Variants in SCAPER observed in about 807,000 individuals in gnomAD.
The protein encoded by SCAPER is S phase cyclin A-associated protein in the endoplasmic reticulum.
A neutral mutation model predicts 182.2 loss-of-function variants in SCAPER; 98 were observed. That is an observed-to-expected ratio of 0.54 (90% confidence interval 0.46 to 0.64). The LOEUF is 0.64. Ranked by LOEUF, SCAPER falls within the 30% of genes least tolerant of loss-of-function variation. The pLI is 0.00. For missense variants in SCAPER, 1,432 were observed against 1,690.0 expected (o/e 0.85, Z 2.68); for synonymous variants, 605 against 564.6 (o/e 1.07, Z -1.01).
intron 20 of SCAPER, among the ~76,000 whole-genome samples, chr15:76,681,497 C>A (rs963869412): frequency 6.6e-6 from 1 of 152,108 alleles, no homozygotes; most frequent in East Asian, 1.9e-4. Context: ...CATCTATCAC[C>A]CAGTGATTGG....
Position 76,701,703 on chromosome 15 carries a change from C to T in SCAPER, c.2508+55G>A, listed in dbSNP as rs117943757. 9.4e-3 allele frequency: 12,430 copies of T among 1,317,830 alleles called. 90 individuals are homozygous for T. Among genetic ancestry groups the T allele is most frequent in the South Asian group, 0.017 (1,366 of 81,694 alleles). The allele number at this position is 1,317,830 out of a possible 1,614,324, so 81.6% of individuals were successfully genotyped here. On this transcript the variant is annotated intron_variant, in intron 20 of 31. Transcript: ENST00000563290. Reference sequence around the variant, plus strand: ...AAACACGGAATTCTTTATAATAAAACAGCACATATTGGGTACTCAATAAAC... The same window carrying T: ...AAACACGGAATTCTTTATAATAAAATAGCACATATTGGGTACTCAATAAAC...
chr15:76,528,282 T>C (rs1471676478), intron 23 of SCAPER, among the ~76,000 whole-genome samples: 7 of 152,220 alleles, frequency 4.6e-5, no homozygotes, highest in African/African-American at 1.4e-4. Flanking sequence ...CTTCATTCTA[T>C]AGATTATCAT....
At chr15:76,824,034 G>C (rs1245260223) in intron 5 of SCAPER, among the ~76,000 whole-genome samples, 2 of 152,110 alleles carry the variant, frequency 1.3e-5, no homozygotes, top group African/African-American at 4.8e-5. Context: ...TTAACTCAAT[G>C]TTATCAAAAA....
At chr15:76,860,233 C>G (rs2071768110) in intron 3 of SCAPER, among the ~76,000 whole-genome samples, 2 of 151,950 alleles carry the variant, frequency 1.3e-5, no homozygotes, top group Non-Finnish European at 2.9e-5. Context: ...AATACAATTT[C>G]ATATAAAAAT....
At chr15:76,373,686 C>T (rs1360514092) in intron 29 of SCAPER, among the ~76,000 whole-genome samples, 1 of 152,160 alleles carries the variant, frequency 6.6e-6, no homozygotes, top group Admixed American at 6.5e-5. Flanking sequence ...GGTAAGGATC[C>T]AAACTGTCTA....
At chr15:76,657,934 A>G (rs1350603063) in intron 21 of SCAPER, among the ~76,000 whole-genome samples, 2 of 152,140 alleles carry the variant, frequency 1.3e-5, no homozygotes, top group African/African-American at 2.4e-5. Flanking sequence ...TTAGAACTGT[A>G]TATGTCAAAC....
intron 8 of SCAPER, among the ~76,000 whole-genome samples, chr15:76,784,112 A>G (rs1273871367): frequency 6.6e-6 from 1 of 152,218 alleles, no homozygotes; most frequent in Non-Finnish European, 1.5e-5. Flanking sequence ...TTTGCAGATG[A>G]CATGATTGTA....
intron 22 of SCAPER, among the ~76,000 whole-genome samples, chr15:76,613,365 A>C (rs1204397847): frequency 6.6e-6 from 1 of 152,240 alleles, no homozygotes; most frequent in Non-Finnish European, 1.5e-5. Flanking sequence ...GGCATGGGCA[A>C]AGATTTCATG....
At chr15:76,672,444 A>G (rs775873037) in intron 20 of SCAPER, among the ~76,000 whole-genome samples, 2 of 152,210 alleles carry the variant, frequency 1.3e-5, no homozygotes, top group Non-Finnish European at 2.9e-5. Context: ...TTCTATTTCA[A>G]AATAAGCTGA....
chr15:76,876,080 C>T (rs868759317), intron 2 of SCAPER, among the ~76,000 whole-genome samples: 37 of 152,308 alleles, frequency 2.4e-4, no homozygotes, highest in Admixed American at 9.1e-4. Context: ...AGGTGCTAAG[C>T]CCCTCACTGC....
At position 76,862,543 on chromosome 15, in the gene SCAPER, G is replaced by A. The variant is rs1465997294; in HGVS notation, c.7-10C>T. On this transcript the variant is annotated splice_polypyrimidine_tract_variant and intron_variant, in intron 2 of 31. Transcript: ENST00000563290. ...AGCGCTGGAATGAAGCCTATGTATG[G>A]AAAAGATGGTACTTATTAGATTATT... The A allele has an allele frequency of 6.6e-7, 1 of 1,513,064 alleles. No individual in the cohort carries two copies. Among genetic ancestry groups the A allele is most frequent in the South Asian group, 1.1e-5 (1 of 87,698 alleles). The allele number at this position is 1,513,064 out of a possible 1,614,324, so 93.7% of individuals were successfully genotyped here.
chr15:76,711,820 G>A (rs922320843), intron 17 of SCAPER, among the ~76,000 whole-genome samples: 1 of 152,070 alleles, frequency 6.6e-6, no homozygotes, highest in Admixed American at 6.6e-5. Context: ...TGAGTTCATT[G>A]TAGATTCTGG....
At chr15:76,373,300 G>A (rs1409328610) in intron 29 of SCAPER, among the ~76,000 whole-genome samples, 2 of 151,992 alleles carry the variant, frequency 1.3e-5, no homozygotes, top group Non-Finnish European at 2.9e-5. Flanking sequence ...CACTCGTCTC[G>A]GCCTCCCAAA....
chr15:76,568,967 C>T (rs1250571833), intron 23 of SCAPER, among the ~76,000 whole-genome samples: 3 of 151,938 alleles, frequency 2.0e-5, no homozygotes, highest in Non-Finnish European at 4.4e-5. Flanking sequence ...TGCTATTTAT[C>T]TGTAAATTAT....
intron 23 of SCAPER, among the ~76,000 whole-genome samples, chr15:76,528,384 C>T (rs1408720420): frequency 6.6e-6 from 1 of 152,106 alleles, no homozygotes; most frequent in Admixed American, 6.6e-5. Flanking sequence ...CATACTTTTA[C>T]AGATAACTTT....
intron 25 of SCAPER, among the ~76,000 whole-genome samples, chr15:76,439,497 TTGTGAGCAG>T (rs1224582325): frequency 6.6e-6 from 1 of 152,258 alleles, no homozygotes; most frequent in African/African-American, 2.4e-5. Flanking sequence ...AATAGCTCAC[TTGTGAGCAG>T]CCTGCTCTTT....
chr15:76,739,749 T>G (rs945987969), intron 15 of SCAPER, among the ~76,000 whole-genome samples: 1 of 152,216 alleles, frequency 6.6e-6, no homozygotes, highest in Non-Finnish European at 1.5e-5. Context: ...AAGGGAGGAC[T>G]ACTGTCTTAT....
chr15:76,905,185 G>C (rs2074999679), intron 1 of SCAPER, 114 bp downstream of exon 1: 1 of 162,396 alleles, frequency 6.2e-6, no homozygotes, highest in Non-Finnish European at 1.4e-5. Flanking sequence ...GGGGGTGAAA[G>C]GGCGTACCCC....
At chr15:76,720,061 T>C (rs887674625) in intron 17 of SCAPER, among the ~76,000 whole-genome samples, 2 of 151,868 alleles carry the variant, frequency 1.3e-5, no homozygotes, top group Admixed American at 1.3e-4. Context: ...GTATATCTCC[T>C]AATGCTATAC....
Sources: gnomAD v4.1 joint callset for allele counts (sites outside exome capture counted in the v4.1 genomes callset) on GRCh38, gnomAD v4.1.1 for gene constraint, MANE v1.5 for transcripts, NCBI Gene and HGNC (gene_info 2026-07-23, HGNC 2026-07-21) for gene names.